FBXL17: variants seen among roughly 807,000 people sequenced by gnomAD.
The protein encoded by FBXL17 is F-box/LRR-repeat protein 17.
FBXL17 carries 22 observed loss-of-function variants against 66.2 expected under a neutral mutation model. The observed-to-expected ratio is 0.33, with a 90% CI of 0.24 to 0.47. FBXL17 has a LOEUF of 0.47. FBXL17 is among the 20% of genes least tolerant of loss of function. The pLI is 1.00. For synonymous variants in FBXL17, 474 were observed against 400.5 expected (o/e 1.18, Z -2.19); for missense variants, 878 against 948.2 (o/e 0.93, Z 0.97).
At chr5:108,160,677 G>C (rs755268802) in intron 6 of FBXL17, among the ~76,000 whole-genome samples, 1 of 151,964 alleles carries the variant, frequency 6.6e-6, no homozygotes, top group African/African-American at 2.4e-5. Flanking sequence ...CTAAAAACAG[G>C]GTTTAAAGTC....
chr5:108,127,674 T>C (rs1750776302), intron 6 of FBXL17, among the ~76,000 whole-genome samples: 1 of 152,164 alleles, frequency 6.6e-6, no homozygotes, highest in East Asian at 1.9e-4. Context: ...TTTTTTAAAA[T>C]TCTGCTTCAA....
chr5:108,071,096 A>C (rs1748312853), intron 6 of FBXL17, among the ~76,000 whole-genome samples: 1 of 152,262 alleles, frequency 6.6e-6, no homozygotes, highest in South Asian at 2.1e-4. Flanking sequence ...ACAATTTGTG[A>C]CAACAGTATA....
intron 7 of FBXL17, among the ~76,000 whole-genome samples, chr5:108,007,679 A>G (rs554328307): frequency 6.7e-6 from 1 of 149,844 alleles, no homozygotes; most frequent in Admixed American, 6.6e-5. Context: ...AAATATCAAG[A>G]CCACACTTAT....
intron 5 of FBXL17, among the ~76,000 whole-genome samples, chr5:108,215,932 C>T (rs1754580847): frequency 6.7e-6 from 1 of 149,566 alleles, no homozygotes; most frequent in African/African-American, 2.5e-5. Flanking sequence ...ATCCAGATAT[C>T]CTTGCACCAT....
intron 4 of FBXL17, among the ~76,000 whole-genome samples, chr5:108,279,366 C>T (rs1757613164): frequency 6.6e-6 from 1 of 152,100 alleles, no homozygotes. Context: ...TCCCAGACCC[C>T]AGCACAACTT....
At chr5:108,159,533 T>G (rs1303285005) in intron 6 of FBXL17, among the ~76,000 whole-genome samples, 1 of 152,140 alleles carries the variant, frequency 6.6e-6, no homozygotes, top group Non-Finnish European at 1.5e-5. Flanking sequence ...TTCCTTCCTC[T>G]ACTATGTGAG....
rs922232202 is a variant in FBXL17 at position 108,367,796 on chromosome 5, G to T, written c.1116+35C>A. ...AGGAATAAAGATATTTTTTGAGTAG[G>T]TCATATGAGTGTTACTTAGAATTGG... On this transcript the variant is annotated intron_variant, in intron 2 of 8. Transcript: ENST00000542267. 20 of 1,525,586 alleles carry T rather than the reference G, an allele frequency of 1.3e-5. No homozygotes were observed. The East Asian group carries it at 4.4e-4, about 34-fold the overall frequency. 94.5% of individuals were successfully genotyped at this position (1,525,586 alleles called of 1,614,324 possible). A position where few individuals can be genotyped will look rare whatever the true frequency, so the allele number is the denominator to read the frequency against.
intron 4 of FBXL17, among the ~76,000 whole-genome samples, chr5:108,225,070 T>C (rs964422710): frequency 5.9e-5 from 9 of 152,152 alleles, no homozygotes; most frequent in African/African-American, 2.2e-4. Context: ...AAAGACCCCA[T>C]GCCCATTAAC....
At chr5:108,255,175 G>T (rs991201226) in intron 4 of FBXL17, among the ~76,000 whole-genome samples, 1 of 151,778 alleles carries the variant, frequency 6.6e-6, no homozygotes, top group African/African-American at 2.4e-5. Context: ...TACATTTTTT[G>T]CAAATCCTGA....
At chr5:108,135,775 C>T (rs1386929693) in intron 6 of FBXL17, among the ~76,000 whole-genome samples, 4 of 152,092 alleles carry the variant, frequency 2.6e-5, no homozygotes, top group Non-Finnish European at 5.9e-5. Context: ...TGGTTATTTC[C>T]TCTCCAATCA....
rs1308773569 is a variant in FBXL17 at position 108,334,538 on chromosome 5, G to GT, written c.1506+13860dup. Among the ~76,000 whole-genome samples the GT allele has an allele frequency of 4.6e-5, 7 of 152,316 alleles. No individual in the cohort carries two copies. The East Asian group carries it at 1.3e-3, about 29-fold the overall frequency. On this transcript the variant is annotated intron_variant, in intron 4 of 8. Coordinates refer to ENST00000542267, the MANE Select transcript of FBXL17 (RefSeq NM_001163315.3). The stretch of plus-strand genomic sequence containing the variant: ...CCCAGCTCCCACAATTTTCAATTCA[G>GT]TTTCTTTTGTTCTGGTAGGTAGAGG...
intron 6 of FBXL17, among the ~76,000 whole-genome samples, chr5:108,111,228 A>G (rs1348584914): frequency 2.0e-5 from 3 of 148,596 alleles, no homozygotes; most frequent in African/African-American, 7.5e-5. Context: ...GAAGAAAAAA[A>G]AAAGAAAGAA....
At chr5:107,937,178 G>T (rs551510225) in intron 7 of FBXL17, among the ~76,000 whole-genome samples, 179 of 152,214 alleles carry the variant, frequency 1.2e-3, no homozygotes, top group Middle Eastern at 3.4e-3. Flanking sequence ...AAAAGGATGT[G>T]AATTAGTGAC....
chr5:108,026,607 G>C (rs974186499), intron 6 of FBXL17, among the ~76,000 whole-genome samples: 1 of 152,076 alleles, frequency 6.6e-6, no homozygotes, highest in African/African-American at 2.4e-5. Context: ...ATACCACAGG[G>C]GCAAAGACTA....
chr5:108,327,532 G>A (rs2909790), intron 4 of FBXL17, among the ~76,000 whole-genome samples: 4,770 of 151,904 alleles, frequency 0.031, 94 homozygotes, highest in Non-Finnish European at 0.043. Context: ...AGACACCAAG[G>A]CAAAAAAAAT....
intron 7 of FBXL17, among the ~76,000 whole-genome samples, chr5:107,931,652 A>G (rs978830707): frequency 6.6e-6 from 1 of 152,116 alleles, no homozygotes; most frequent in African/African-American, 2.4e-5. Flanking sequence ...TCATTCTGAC[A>G]TATCTAGTTC....
intron 5 of FBXL17, among the ~76,000 whole-genome samples, chr5:108,223,315 T>C (rs1754954252): frequency 6.6e-6 from 1 of 152,190 alleles, no homozygotes; most frequent in African/African-American, 2.4e-5. Flanking sequence ...TTCATCATTG[T>C]GTTGCCAATA....
chr5:107,948,076 G>C (rs1022692809), intron 7 of FBXL17, among the ~76,000 whole-genome samples: 4 of 151,816 alleles, frequency 2.6e-5, no homozygotes, highest in Non-Finnish European at 5.9e-5. Context: ...CTTTTAGAGA[G>C]AAACATCTCT....
chr5:108,151,938 T>C (rs1360571126), intron 6 of FBXL17, among the ~76,000 whole-genome samples: 1 of 152,194 alleles, frequency 6.6e-6, no homozygotes, highest in Non-Finnish European at 1.5e-5. Flanking sequence ...AAAGCCTAAA[T>C]GGTCAGCAGA....
Sources: allele counts gnomAD v4.1 joint callset (sites outside exome capture counted in the v4.1 genomes callset), GRCh38; gene constraint gnomAD v4.1.1; transcripts MANE v1.5; gene names NCBI Gene and HGNC (gene_info 2026-07-23, HGNC 2026-07-21).